Variants in FBXL7 observed in about 807,000 individuals in gnomAD.
FBXL7 encodes F-box and leucine rich repeat protein 7, also known as F-box/LRR-repeat protein 7.
FBXL7 carries 12 observed loss-of-function variants against 38.3 expected under a neutral mutation model. That is an observed-to-expected ratio of 0.31 (90% CI 0.20 to 0.51). FBXL7 has a LOEUF of 0.51. Among genes scored for constraint, FBXL7 ranks in the 20% least tolerant of loss-of-function variants. FBXL7 has a pLI of 0.98. For missense variants in FBXL7, 567 were observed against 676.4 expected (o/e 0.84, Z 1.79); for synonymous variants, 297 against 300.9 (o/e 0.99, Z 0.13).
intron 2 of FBXL7, among the ~76,000 whole-genome samples, chr5:15,732,200 A>T (rs1037044367): frequency 1.3e-5 from 2 of 152,214 alleles, no homozygotes; most frequent in African/African-American, 4.8e-5. Flanking sequence ...TTATTTATTC[A>T]TGTGTAGAAT....
At chr5:15,822,384 GA>G (rs1561140028) in intron 2 of FBXL7, among the ~76,000 whole-genome samples, 2 of 151,836 alleles carry the variant, frequency 1.3e-5, no homozygotes, top group African/African-American at 4.8e-5. Flanking sequence ...AAACATAAAA[GA>G]AACATGCAAA....
intron 2 of FBXL7, among the ~76,000 whole-genome samples, chr5:15,655,097 A>G (rs1228629028): frequency 6.6e-6 from 1 of 152,218 alleles, no homozygotes; most frequent in Non-Finnish European, 1.5e-5. Context: ...CAATCTCTGC[A>G]CACATCTTAG....
intron 1 of FBXL7, among the ~76,000 whole-genome samples, chr5:15,553,118 A>C (rs995762282): frequency 1.3e-5 from 2 of 150,660 alleles, no homozygotes; most frequent in African/African-American, 2.4e-5. Context: ...CCAAACAAAA[A>C]CCCCCAAAAA....
chr5:15,734,044 A>T (rs544237148), intron 2 of FBXL7, among the ~76,000 whole-genome samples: 1 of 150,490 alleles, frequency 6.6e-6, no homozygotes, highest in East Asian at 2.0e-4. Flanking sequence ...GACCCGGGAG[A>T]TGGAGGGTTG....
rs573828206 is a variant in FBXL7, at chr5:15,803,275, C to T, written c.128-124615C>T. On this transcript the variant is annotated intron_variant, in intron 2 of 3. Coordinates refer to ENST00000504595, the MANE Select transcript of FBXL7 (RefSeq NM_012304.5). ...GGAACAATGAGTTTGAGTCATTGTT[C>T]GGTATCACCCATAATCAACCTTAGT... is the stretch of plus-strand genomic sequence containing the variant. Among the ~76,000 whole-genome samples the T allele has an allele frequency of 2.3e-3, 343 of 152,158 alleles. 1 individual carries two copies. The highest frequency in any genetic ancestry group is 7.5e-3 in the African/African-American group (313 of 41,506).
chr5:15,549,766 C>T (rs1738009505), intron 1 of FBXL7, among the ~76,000 whole-genome samples: 1 of 152,168 alleles, frequency 6.6e-6, no homozygotes, highest in African/African-American at 2.4e-5. Flanking sequence ...CTGGCTCTTT[C>T]AAAAAGTTTT....
rs1741961506 is a variant in FBXL7 at position 15,928,714 on chromosome 5, T to C, written c.739+213T>C. Among the ~76,000 whole-genome samples the C allele has an allele frequency of 6.6e-6, 1 of 151,018 alleles. No homozygotes were observed. The highest frequency in any genetic ancestry group is 1.5e-5 in the Non-Finnish European group (1 of 67,678). ...CTTTCATCAAATAATGTCCACTTCTTTTTTTTTTATTATTATACTTTAAGT... is the reference window on the plus strand; with the variant it reads ...CTTTCATCAAATAATGTCCACTTCTCTTTTTTTTATTATTATACTTTAAGT... On this transcript the variant is annotated intron_variant, in intron 3 of 3. Coordinates refer to ENST00000504595, the MANE Select transcript of FBXL7 (RefSeq NM_012304.5). The surrounding 1 kb of genome is among the most constrained non-coding windows in gnomAD (Gnocchi z 4.0).
At chr5:15,691,937 G>T (rs112315778) in intron 2 of FBXL7, among the ~76,000 whole-genome samples, 1 of 152,148 alleles carries the variant, frequency 6.6e-6, no homozygotes, top group Non-Finnish European at 1.5e-5. Context: ...GAGGTGGCTG[G>T]TTTAGGGTTC....
At chr5:15,623,864 G>A (rs970935161) in intron 2 of FBXL7, among the ~76,000 whole-genome samples, 1 of 152,088 alleles carries the variant, frequency 6.6e-6, no homozygotes, top group African/African-American at 2.4e-5. Flanking sequence ...TTTTGCAGAT[G>A]AAACAGGGAA....
intron 2 of FBXL7, among the ~76,000 whole-genome samples, chr5:15,817,150 A>T (rs1440199013): frequency 6.6e-6 from 1 of 152,188 alleles, no homozygotes; most frequent in Non-Finnish European, 1.5e-5. Flanking sequence ...TGAGAATGAC[A>T]TCCCTTACAA....
chr5:15,933,985 A>G (rs1742109387), intron 3 of FBXL7, among the ~76,000 whole-genome samples: 1 of 151,894 alleles, frequency 6.6e-6, no homozygotes, highest in Non-Finnish European at 1.5e-5. Context: ...AGGTTGGTGC[A>G]AAAGTAATTG....
rs575312043 is a variant in FBXL7 at position 15,529,869 on chromosome 5, C to A, written c.37+29156C>A. Among the ~76,000 whole-genome samples the A allele has an allele frequency of 4.6e-5, 7 of 152,244 alleles. No homozygotes were observed. The South Asian group carries it at 1.5e-3, about 32-fold the overall frequency. ...TCTCGTTGCCTACAACATCCATATC[C>A]CCTGCCATCTTGCTAGAAGTAACCC... On this transcript the variant is annotated intron_variant, in intron 1 of 3. Transcript: ENST00000504595.
chr5:15,578,175 G>C (rs1739028888), intron 1 of FBXL7, among the ~76,000 whole-genome samples: 1 of 152,176 alleles, frequency 6.6e-6, no homozygotes, highest in Non-Finnish European at 1.5e-5. Flanking sequence ...AGTGCCTAGA[G>C]ACATTCTTGG....
chr5:15,561,666 C>G (rs1738419511), intron 1 of FBXL7, among the ~76,000 whole-genome samples: 1 of 151,986 alleles, frequency 6.6e-6, no homozygotes. Flanking sequence ...CTGCACCAAT[C>G]TGTATTCCCA....
chr5:15,734,492 A>G (rs988025906), intron 2 of FBXL7, among the ~76,000 whole-genome samples: 1 of 152,208 alleles, frequency 6.6e-6, no homozygotes, highest in African/African-American at 2.4e-5. Flanking sequence ...GGTTGTTGTA[A>G]GTATCAAGTG....
At chr5:15,546,246 A>G (rs1299820970) in intron 1 of FBXL7, among the ~76,000 whole-genome samples, 2 of 151,772 alleles carry the variant, frequency 1.3e-5, no homozygotes, top group African/African-American at 4.8e-5. Flanking sequence ...TCTGGCCAAC[A>G]TGGTGAAACC....
chr5:15,915,503 T>A (rs1394235676), intron 2 of FBXL7, among the ~76,000 whole-genome samples: 1 of 152,204 alleles, frequency 6.6e-6, no homozygotes, highest in Non-Finnish European at 1.5e-5. Flanking sequence ...TGTCTCTGTC[T>A]TGCCTGCTTA....
At position 15,673,081 on chromosome 5, in the gene FBXL7, C is replaced by T. The variant is rs1385531232; in HGVS notation, c.127+57009C>T. Among the ~76,000 whole-genome samples the T allele has an allele frequency of 7.9e-5, 12 of 152,100 alleles. No individual in the cohort carries two copies. The East Asian group carries it at 2.0e-3, about 25-fold the overall frequency. On this transcript the variant is annotated intron_variant, in intron 2 of 3. Coordinates refer to ENST00000504595, the MANE Select transcript of FBXL7 (RefSeq NM_012304.5). The stretch of plus-strand genomic sequence containing the variant: ...GTGGCTCACGCCTGTAATCCCAGGC[C>T]GAGGAAGGCTAATCACCTGAGGTCA...
intron 2 of FBXL7, among the ~76,000 whole-genome samples, chr5:15,744,952 G>T (rs188445019): frequency 2.2e-4 from 33 of 152,128 alleles, no homozygotes; most frequent in African/African-American, 7.7e-4. Flanking sequence ...CAACATGAGG[G>T]TAACTGCCCC....
Sources: allele counts gnomAD v4.1 joint callset (sites outside exome capture counted in the v4.1 genomes callset), GRCh38; gene constraint gnomAD v4.1.1; non-coding constraint Gnocchi (gnomAD v3.1); transcripts MANE v1.5; gene names NCBI Gene and HGNC (gene_info 2026-07-23, HGNC 2026-07-21).